The following MICU1 variants were observed in gnomAD, a reference collection of about 807,000 sequenced individuals.
MICU1 encodes the protein calcium uptake protein 1, mitochondrial.
In MICU1, 45 loss-of-function variants were observed where a neutral mutation model predicts 56.8. The ratio of observed to expected loss-of-function variants is 0.79; its 90% CI spans 0.62 to 1.02. MICU1 has a LOEUF of 1.02. MICU1 is among the 50% of genes least tolerant of loss of function. The probability of loss-of-function intolerance (pLI) is 0.00; values close to 1 mark genes in which losing one functional copy is unlikely to be tolerated. For synonymous variants in MICU1, 186 were observed against 195.1 expected (o/e 0.95, Z 0.39); for missense variants, 504 against 587.1 (o/e 0.86, Z 1.46).
intron 1 of MICU1, among the ~76,000 whole-genome samples, chr10:72,615,046 C>T (rs1477010579): frequency 2.0e-5 from 3 of 152,108 alleles, no homozygotes; most frequent in Non-Finnish European, 4.4e-5. Context: ...AAATATATTG[C>T]AGCATTTTTC....
At chr10:72,512,541 T>C (rs1867505443) in intron 5 of MICU1, among the ~76,000 whole-genome samples, 2 of 152,318 alleles carry the variant, frequency 1.3e-5, no homozygotes, top group South Asian at 4.1e-4. Flanking sequence ...AGTTTATCTA[T>C]TCATATGCTC....
At chr10:72,577,284 C>T (rs1157829369) in intron 1 of MICU1, among the ~76,000 whole-genome samples, 1 of 151,788 alleles carries the variant, frequency 6.6e-6, no homozygotes, top group African/African-American at 2.4e-5. Context: ...CCGAGGCAGG[C>T]AGATCACCTG....
At chr10:72,595,298 A>C (rs1160711056) in intron 1 of MICU1, among the ~76,000 whole-genome samples, 1 of 151,820 alleles carries the variant, frequency 6.6e-6, no homozygotes, top group East Asian at 1.9e-4. Flanking sequence ...CTACAAATAC[A>C]AAAATTAGCC....
At chr10:72,408,063 A>T (rs1264401228) in intron 9 of MICU1, 26 bp from the exon 10 acceptor site, 1 of 1,506,010 alleles carries the variant, frequency 6.6e-7, no homozygotes, top group Non-Finnish European at 9.2e-7. Flanking sequence ...CAGCAAGGTA[A>T]GGCAGGACCT....
At chr10:72,498,351 C>G (rs991704581) in intron 6 of MICU1, among the ~76,000 whole-genome samples, 22 of 152,108 alleles carry the variant, frequency 1.4e-4, no homozygotes, top group Non-Finnish European at 2.9e-4. Flanking sequence ...TTTGGGAGGC[C>G]AAGGTGGGCG....
At chr10:72,577,705 T>C in intron 1 of MICU1, among the ~76,000 whole-genome samples, 2 of 152,256 alleles carry the variant, frequency 1.3e-5, no homozygotes, top group South Asian at 4.2e-4. Flanking sequence ...AAATTGTTTT[T>C]GTAAATTTCA....
At chr10:72,607,436 C>G (rs926131347) in intron 1 of MICU1, among the ~76,000 whole-genome samples, 8 of 151,272 alleles carry the variant, frequency 5.3e-5, no homozygotes, top group African/African-American at 1.9e-4. Flanking sequence ...GCCAGGAGAT[C>G]GAGACCTTCC....
intron 6 of MICU1, among the ~76,000 whole-genome samples, chr10:72,502,273 G>A (rs1356371808): frequency 6.6e-6 from 1 of 151,104 alleles, no homozygotes; most frequent in African/African-American, 2.4e-5. Context: ...TCCTGCCTCA[G>A]CCTCCTGAGT....
intron 2 of MICU1, among the ~76,000 whole-genome samples, chr10:72,564,371 T>C (rs1840372501): frequency 6.6e-6 from 1 of 151,754 alleles, no homozygotes; most frequent in South Asian, 2.1e-4. Flanking sequence ...CAAAAAACCA[T>C]CTCTACTAAA....
intron 8 of MICU1, among the ~76,000 whole-genome samples, chr10:72,470,487 T>C (rs1382011545): frequency 3.3e-5 from 5 of 152,184 alleles, no homozygotes; most frequent in Non-Finnish European, 7.3e-5. Context: ...GCAGGGGTCC[T>C]TTCATGGTGG....
chr10:72,573,657 AT>A (rs1187518435), intron 1 of MICU1, among the ~76,000 whole-genome samples: 1 of 152,190 alleles, frequency 6.6e-6, no homozygotes, highest in Admixed American at 6.5e-5. Flanking sequence ...CACATGGTTA[AT>A]TTTTTATTTA....
At position 72,509,475 on chromosome 10, in the gene MICU1, C is replaced by T. The variant is rs182739005; in HGVS notation, c.538-1206G>A. 4.1e-5 allele frequency: 48 copies of T among 1,178,046 alleles called. No individual in the cohort carries two copies. In the Admixed American group the frequency reaches 4.1e-4, roughly 10 times the overall value. The allele number at this position is 1,178,046 out of a possible 1,614,324, so 73.0% of individuals were successfully genotyped here. Reference sequence around the variant, plus strand: ...ACCAACTGAAAATACAAGTACCACACGAATCATCGTGAAGTCAGTTTGTAT... The same window carrying T: ...ACCAACTGAAAATACAAGTACCACATGAATCATCGTGAAGTCAGTTTGTAT... On this transcript the variant is annotated intron_variant, in intron 5 of 11. Coordinates refer to ENST00000361114, the MANE Select transcript of MICU1 (RefSeq NM_001195518.2).
intron 10 of MICU1, among the ~76,000 whole-genome samples, chr10:72,385,595 C>T (rs1862860319): frequency 6.6e-6 from 1 of 152,142 alleles, no homozygotes; most frequent in African/African-American, 2.4e-5. Context: ...GTTTAAATGT[C>T]CCTATCTTCA....
At chr10:72,531,908 CT>C (rs1034478597) in intron 5 of MICU1, among the ~76,000 whole-genome samples, 11 of 137,730 alleles carry the variant, frequency 8.0e-5, no homozygotes, top group East Asian at 2.3e-4. Flanking sequence ...AGTCCTTTAT[CT>C]TTTTTTTTTG....
At chr10:72,506,279 T>C (rs1264745540) in intron 6 of MICU1, among the ~76,000 whole-genome samples, 1 of 152,238 alleles carries the variant, frequency 6.6e-6, no homozygotes, top group Non-Finnish European at 1.5e-5. Context: ...CTGAAGGTTC[T>C]GTTCTGTGTT....
chr10:72,535,039 A>ATTTTATTTTATTTTTT (rs367546666), intron 4 of MICU1, among the ~76,000 whole-genome samples: 1 of 123,114 alleles, frequency 8.1e-6, no homozygotes, highest in Admixed American at 7.8e-5. Flanking sequence ...TATTTTATTT[A>ATTTTATTTTATTTTTT]TTTATTTTGA....
At chr10:72,619,933 G>A (rs1209747251) in intron 1 of MICU1, among the ~76,000 whole-genome samples, 1 of 152,046 alleles carries the variant, frequency 6.6e-6, no homozygotes, top group African/African-American at 2.4e-5. Context: ...CGAATAAAAA[G>A]GGGAGGAGGA....
chr10:72,450,080 C>G (rs753265551), intron 8 of MICU1, among the ~76,000 whole-genome samples: 11 of 151,956 alleles, frequency 7.2e-5, no homozygotes, highest in Non-Finnish European at 1.2e-4. Context: ...GCCCAACACT[C>G]TCGTGAAAGT....
intron 8 of MICU1, among the ~76,000 whole-genome samples, chr10:72,448,121 A>ATGTGTG (rs150733309): frequency 0.16 from 19,233 of 121,436 alleles, 1,930 homozygotes; most frequent in Non-Finnish European, 0.23. Context: ...GTTTATATAT[A>ATGTGTG]TGTGTGTGTG....
Sources: gnomAD v4.1 joint callset for allele counts (sites outside exome capture counted in the v4.1 genomes callset) on GRCh38, gnomAD v4.1.1 for gene constraint, MANE v1.5 for transcripts, NCBI Gene and HGNC (gene_info 2026-07-23, HGNC 2026-07-21) for gene names.